Variants in C3orf49 observed in about 807,000 individuals in gnomAD.
C3orf49 encodes chromosome 3 open reading frame 49, also known as putative uncharacterized protein C3orf49.
C3orf49 carries 27 observed loss-of-function variants against 13.3 expected under a neutral mutation model. The observed-to-expected ratio is 2.02, with a 90% CI of 1.49 to 2.79. The LOEUF (loss-of-function observed/expected upper bound fraction) is 2.79, where lower values mean the gene tolerates loss of function less well. Among genes scored for constraint, C3orf49 ranks in the 30% most tolerant of loss-of-function variants. The pLI, the probability that C3orf49 is intolerant of heterozygous loss-of-function variation, is 0.00. For synonymous variants in C3orf49, 87 were observed against 47.6 expected, an observed-to-expected ratio of 1.83 and a Z score of -3.40; for missense variants, 242 against 134.2, an observed-to-expected ratio of 1.80 and a Z score of -3.97.
chr3:63,813,791 G>T, the C3orf49 span, among the ~76,000 whole-genome samples: 1 of 152,166 alleles, frequency 6.6e-6, no homozygotes, highest in Non-Finnish European at 1.5e-5. Flanking sequence ...AAGAGGATTT[G>T]CTTGAGCCAG....
Position 63,838,427 on chromosome 3 carries a change from T to C in C3orf49, c.849+6583T>C, listed in dbSNP as rs778557535. 3.7e-6 allele frequency: 6 copies of C among 1,604,066 alleles called. No homozygotes were observed. In the Admixed American group the frequency reaches 6.8e-5, roughly 18 times the overall value. ...CCATTTCTCTGAGATTCATATCATA[T>C]ACTAGTAAAGTTTTGCCCATTGAAA... On this transcript the variant is annotated intron_variant, in intron 5 of 6. Transcript: ENST00000295896.
chr3:63,786,712 C>A, the C3orf49 span, among the ~76,000 whole-genome samples: 1 of 152,178 alleles, frequency 6.6e-6, no homozygotes, highest in Non-Finnish European at 1.5e-5. Flanking sequence ...AACACGTTGT[C>A]TTTTAATTCT....
chr3:63,800,425 C>T, the C3orf49 span, among the ~76,000 whole-genome samples: 12 of 152,008 alleles, frequency 7.9e-5, no homozygotes, highest in African/African-American at 1.9e-4. Context: ...TAAGGCATTG[C>T]GCTTGCTCAG....
intron 5 of C3orf49, chr3:63,839,666 G>A (rs1701716017): frequency 6.2e-7 from 1 of 1,611,698 alleles, no homozygotes; most frequent in Admixed American, 1.7e-5. Context: ...CCCTCTTCCT[G>A]GGACCCAGAG....
chr3:63,792,635 A>G, the C3orf49 span, among the ~76,000 whole-genome samples: 1 of 152,248 alleles, frequency 6.6e-6, no homozygotes, highest in Non-Finnish European at 1.5e-5. Flanking sequence ...AGAGTCTATT[A>G]TGAATTAAGA....
chr3:63,836,748 C>A (rs570530865), intron 5 of C3orf49, among the ~76,000 whole-genome samples: 13 of 151,966 alleles, frequency 8.6e-5, no homozygotes, highest in African/African-American at 3.1e-4. Context: ...TACCATTAAT[C>A]TGAGTTGTTA....
chr3:63,847,781 A>G (rs954942570), intron 6 of C3orf49, among the ~76,000 whole-genome samples: 12 of 152,322 alleles, frequency 7.9e-5, no homozygotes, highest in African/African-American at 2.9e-4. Context: ...CTTTTAGTTT[A>G]TACCATTGGA....
At chr3:63,793,248 AC>A in the C3orf49 span, among the ~76,000 whole-genome samples, 1 of 152,288 alleles carries the variant, frequency 6.6e-6, no homozygotes, top group East Asian at 1.9e-4. Context: ...ACCTCCTGCC[AC>A]CTTTAAGCAA....
At chr3:63,827,785 T>C in intron 3 of C3orf49, 60 bp downstream of exon 3, 2 of 679,140 alleles carry the variant, frequency 2.9e-6, no homozygotes. Context: ...TCTAGAGATT[T>C]TGCAAAAACC....
At chr3:63,792,066 T>C in the C3orf49 span, among the ~76,000 whole-genome samples, 1 of 152,264 alleles carries the variant, frequency 6.6e-6, no homozygotes, top group African/African-American at 2.4e-5. Flanking sequence ...ATTTGCAGTG[T>C]GTAACACAGA....
chr3:63,781,842 G>T, the C3orf49 span, among the ~76,000 whole-genome samples: 3 of 152,096 alleles, frequency 2.0e-5, no homozygotes, highest in Non-Finnish European at 4.4e-5. Flanking sequence ...TTTTTTAAGT[G>T]TTGTTGCATT....
intron 1 of C3orf49, among the ~76,000 whole-genome samples, chr3:63,820,329 G>C (rs1041454105): frequency 2.6e-5 from 4 of 152,112 alleles, no homozygotes; most frequent in Admixed American, 1.3e-4. Context: ...TGAAAAGTAG[G>C]CACTCCGGGG....
At chr3:63,780,437 G>A in the C3orf49 span, among the ~76,000 whole-genome samples, 72 of 152,226 alleles carry the variant, frequency 4.7e-4, no homozygotes, top group Non-Finnish European at 7.5e-4. Flanking sequence ...GAATGGTGCC[G>A]CAATAAACAT....
chr3:63,796,005 A>C, the C3orf49 span, among the ~76,000 whole-genome samples: 6 of 152,200 alleles, frequency 3.9e-5, no homozygotes, highest in African/African-American at 1.4e-4. Flanking sequence ...TAATAAGAGG[A>C]ATTCATATAT....
chr3:63,843,942 T>C (rs1286188400), intron 5 of C3orf49, among the ~76,000 whole-genome samples: 1 of 151,744 alleles, frequency 6.6e-6, no homozygotes, highest in African/African-American at 2.4e-5. Context: ...TGTATATATA[T>C]ATGTGTGTAT....
At chr3:63,792,973 T>C in the C3orf49 span, among the ~76,000 whole-genome samples, 1 of 152,226 alleles carries the variant, frequency 6.6e-6, no homozygotes, top group South Asian at 2.1e-4. Flanking sequence ...AGGTTAACCA[T>C]TGACAAATCT....
the C3orf49 span, among the ~76,000 whole-genome samples, chr3:63,803,459 G>C: frequency 1.3e-5 from 2 of 152,152 alleles, no homozygotes; most frequent in Non-Finnish European, 2.9e-5. Flanking sequence ...AGGAGAATGG[G>C]AAGGACAAGA....
intron 2 of C3orf49, among the ~76,000 whole-genome samples, chr3:63,825,310 GA>G (rs538574468): frequency 5.6e-5 from 8 of 142,326 alleles, no homozygotes; most frequent in South Asian, 2.2e-4. Context: ...CTTTTTCCAG[GA>G]AAAAAAAAAC....
chr3:63,782,894 G>A, the C3orf49 span: 2 of 152,224 alleles, frequency 1.3e-5, no homozygotes, highest in African/African-American at 2.4e-5. Context: ...ATGCAAAGGA[G>A]AAGGTGTTAA....
Sources: gnomAD v4.1 joint callset for allele counts (sites outside exome capture counted in the v4.1 genomes callset) on GRCh38, gnomAD v4.1.1 for gene constraint, MANE v1.5 for transcripts, NCBI Gene and HGNC (gene_info 2026-07-23, HGNC 2026-07-21) for gene names.